LNX2: variants seen among roughly 807,000 people sequenced by gnomAD.
LNX2 encodes ligand of Numb protein X 2.
Under a neutral mutation model 66.2 loss-of-function variants are expected in LNX2, and 35 were observed. That is an observed-to-expected ratio of 0.53 (90% CI 0.40 to 0.70). LNX2 has a LOEUF of 0.70. LNX2 is among the 30% of genes least tolerant of loss of function. The pLI is 0.00. For missense variants in LNX2, 791 were observed against 850.8 expected (o/e 0.93, Z 0.87); for synonymous variants, 337 against 315.6 (o/e 1.07, Z -0.72).
intron 1 of LNX2, among the ~76,000 whole-genome samples, chr13:27,616,687 C>T (rs1194582311): frequency 6.6e-6 from 1 of 152,364 alleles, no homozygotes; most frequent in South Asian, 2.1e-4. Context: ...ACAACACCTG[C>T]TTCTTTAAAA....
intron 1 of LNX2, among the ~76,000 whole-genome samples, chr13:27,610,792 A>G (rs1351719267): frequency 6.6e-6 from 1 of 152,234 alleles, no homozygotes; most frequent in African/African-American, 2.4e-5. Flanking sequence ...AACAAAAAAA[A>G]CAGGCCAAGG....
chr13:27,595,005 T>C (rs1566129187), intron 1 of LNX2, among the ~76,000 whole-genome samples: 1 of 152,352 alleles, frequency 6.6e-6, no homozygotes, highest in Non-Finnish European at 1.5e-5. Flanking sequence ...GGTCCCCAAC[T>C]GCTTCTACAA....
chr13:27,556,504 G>A (rs967540116), intron 6 of LNX2, 91 bp from the exon 7 acceptor site: 2 of 1,036,522 alleles, frequency 1.9e-6, no homozygotes, highest in Admixed American at 5.1e-5. Context: ...AACTTACATG[G>A]CATTTATAAA....
intron 1 of LNX2, among the ~76,000 whole-genome samples, chr13:27,604,922 C>A (rs1190980978): frequency 6.6e-6 from 1 of 150,696 alleles, no homozygotes; most frequent in East Asian, 1.9e-4. Flanking sequence ...AAAAACAGAC[C>A]TTTTCTGAAG....
chr13:27,584,063 G>A (rs992849240), intron 1 of LNX2, among the ~76,000 whole-genome samples: 2 of 152,154 alleles, frequency 1.3e-5, no homozygotes, highest in African/African-American at 4.8e-5. Context: ...GGAATATGAA[G>A]CAGGTAAAAC....
At chr13:27,598,154 G>C (rs543166938) in intron 1 of LNX2, among the ~76,000 whole-genome samples, 1 of 148,858 alleles carries the variant, frequency 6.7e-6, no homozygotes, top group African/African-American at 2.5e-5. Flanking sequence ...ACATCACTTA[G>C]CACATCCTTA....
chr13:27,607,201 T>G (rs1344513996), intron 1 of LNX2, among the ~76,000 whole-genome samples: 21 of 152,220 alleles, frequency 1.4e-4, no homozygotes, highest in Admixed American at 1.4e-3. Flanking sequence ...CAATTTAACA[T>G]TCAGCTGTAA....
intron 6 of LNX2, among the ~76,000 whole-genome samples, chr13:27,558,371 C>T (rs77901678): frequency 0.044 from 6,652 of 151,938 alleles, 205 homozygotes; most frequent in Non-Finnish European, 0.067. Flanking sequence ...AGAACATTGT[C>T]ATATAAAATT....
intron 2 of LNX2, among the ~76,000 whole-genome samples, chr13:27,571,412 A>G (rs1412806817): frequency 6.6e-6 from 1 of 152,228 alleles, no homozygotes; most frequent in Non-Finnish European, 1.5e-5. Context: ...CTTTTAACAT[A>G]ATATATGCAT....
intron 3 of LNX2, 127 bp from the exon 4 acceptor site, chr13:27,567,966 C>A: frequency 1.3e-6 from 1 of 765,330 alleles, no homozygotes; most frequent in South Asian, 1.6e-5. Context: ...TAAGCAGTAT[C>A]ACTGGATAAG....
intron 1 of LNX2, among the ~76,000 whole-genome samples, chr13:27,614,587 A>G (rs1955807470): frequency 6.6e-6 from 1 of 152,246 alleles, no homozygotes; most frequent in African/African-American, 2.4e-5. Context: ...CGCAAGATCT[A>G]TGTGTGTAAA....
intron 4 of LNX2, 28 bp from the exon 5 acceptor site, chr13:27,562,809 G>A: frequency 1.3e-6 from 2 of 1,579,264 alleles, no homozygotes; most frequent in Non-Finnish European, 1.7e-6. Flanking sequence ...TGACCGAAGT[G>A]TGACAACCTT....
intron 1 of LNX2, among the ~76,000 whole-genome samples, chr13:27,599,737 G>T (rs1955636943): frequency 1.3e-5 from 2 of 152,154 alleles, no homozygotes; most frequent in Non-Finnish European, 2.9e-5. Context: ...TAATGGAAGG[G>T]AAGAATTTCA....
At position 27,567,627 on chromosome 13, in the gene LNX2, T is replaced by C. The variant is rs1355760609; in HGVS notation, c.855+13A>G. On this transcript the variant is annotated intron_variant, in intron 4 of 9. Transcript: ENST00000316334. ...AAAAAGGCACAAGTTAACAGAATAA[T>C]TAAAACTGATACCTGAAGAATCTGG... is the stretch of plus-strand genomic sequence containing the variant. The C allele has an allele frequency of 6.2e-7, 1 of 1,611,050 alleles. No individual in the cohort carries two copies. Among genetic ancestry groups the C allele is most frequent in the Admixed American group, 1.7e-5 (1 of 59,938 alleles).
intron 2 of LNX2, among the ~76,000 whole-genome samples, chr13:27,576,254 A>G (rs924786598): frequency 2.0e-5 from 3 of 152,240 alleles, no homozygotes; most frequent in Admixed American, 2.0e-4. Context: ...GACTTTCAAT[A>G]CTAACAGAAC....
chr13:27,585,430 A>G (rs906770193), intron 1 of LNX2, among the ~76,000 whole-genome samples: 2 of 151,754 alleles, frequency 1.3e-5, no homozygotes, highest in Non-Finnish European at 2.9e-5. Context: ...TCAAAAAGGA[A>G]AAAAATAAAA....
At chr13:27,619,285 G>C (rs3759430) in intron 1 of LNX2, among the ~76,000 whole-genome samples, 9,153 of 151,206 alleles carry the variant, frequency 0.061, 333 homozygotes, top group Middle Eastern at 0.16. Context: ...AAGGATACCA[G>C]ATTCCCGCTT....
intron 1 of LNX2, among the ~76,000 whole-genome samples, chr13:27,583,255 T>TGCGTGCGTGCGCGCGCGCGCGCGCGC: frequency 1.7e-5 from 1 of 58,530 alleles, no homozygotes; most frequent in East Asian, 7.2e-4. Context: ...TGTGTGTGTG[T>TGCGTGCGTGCGCGCGCGCGCGCGCGC]GCGCGCGTCC....
chr13:27,614,161 C>A (rs986725637), intron 1 of LNX2, among the ~76,000 whole-genome samples: 3 of 152,168 alleles, frequency 2.0e-5, no homozygotes, highest in African/African-American at 7.2e-5. Context: ...CAAAATTCAA[C>A]CACCTTTGTA....
Sources: allele counts gnomAD v4.1 joint callset (sites outside exome capture counted in the v4.1 genomes callset), GRCh38; gene constraint gnomAD v4.1.1; transcripts MANE v1.5; gene names NCBI Gene and HGNC (gene_info 2026-07-23, HGNC 2026-07-21).